The following FAM107B variants were observed in gnomAD, a reference collection of about 807,000 sequenced individuals.
FAM107B encodes protein FAM107B.
In FAM107B, 21 loss-of-function variants were observed where a neutral mutation model predicts 31.5. That is an observed-to-expected ratio of 0.67 (90% confidence interval 0.47 to 0.96). The LOEUF (loss-of-function observed/expected upper bound fraction) is 0.96. Ranked by LOEUF, FAM107B falls within the 40% of genes least tolerant of loss-of-function variation. The pLI, the probability that FAM107B is intolerant of heterozygous loss-of-function variation, is 0.00. For missense variants in FAM107B, 452 were observed against 377.1 expected, an observed-to-expected ratio of 1.20 and a Z score of -1.64; for synonymous variants, 157 against 141.5, an observed-to-expected ratio of 1.11 and a Z score of -0.78.
chr10:14,566,979 G>A (rs1001055993), intron 2 of FAM107B, among the ~76,000 whole-genome samples: 2 of 152,072 alleles, frequency 1.3e-5, no homozygotes, highest in Non-Finnish European at 2.9e-5. Flanking sequence ...GTAAAACCCC[G>A]TATCCACTAA....
intron 2 of FAM107B, among the ~76,000 whole-genome samples, chr10:14,585,118 G>A (rs1419020311): frequency 6.6e-6 from 1 of 152,194 alleles, no homozygotes; most frequent in Admixed American, 6.5e-5. Context: ...AGAAAATTCT[G>A]TAACCGGGCT....
intron 2 of FAM107B, among the ~76,000 whole-genome samples, chr10:14,598,687 T>G (rs948617021): frequency 2.0e-5 from 3 of 152,194 alleles, no homozygotes; most frequent in Non-Finnish European, 4.4e-5. Context: ...GTTAAGAAGG[T>G]AGATCTCATG....
intron 1 of FAM107B, among the ~76,000 whole-genome samples, chr10:14,713,262 C>G (rs1204798854): frequency 1.3e-5 from 2 of 152,166 alleles, no homozygotes; most frequent in African/African-American, 4.8e-5. Flanking sequence ...GCCAGTAAAG[C>G]TTTATCGAGA....
At chr10:14,629,371 TTAATATATA>T (rs375573386) in intron 2 of FAM107B, among the ~76,000 whole-genome samples, 40,207 of 69,236 alleles carry the variant, frequency 0.58, 12,676 homozygotes, top group Non-Finnish European at 0.64. Context: ...TATTATATAT[TTAATATATA>T]TAATATATAT....
At chr10:14,769,960 G>A (rs116723601) in intron 1 of FAM107B, among the ~76,000 whole-genome samples, 4 of 152,138 alleles carry the variant, frequency 2.6e-5, no homozygotes, top group Non-Finnish European at 5.9e-5. Context: ...AGTTGGATTC[G>A]CAATTAGAAC....
chr10:14,676,634 T>A (rs193028487), intron 1 of FAM107B, among the ~76,000 whole-genome samples: 4 of 152,148 alleles, frequency 2.6e-5, no homozygotes, highest in African/African-American at 9.7e-5. Flanking sequence ...CCCACCTCCG[T>A]CTGAAGCTCT....
At chr10:14,757,067 C>G (rs1588759064) in intron 1 of FAM107B, among the ~76,000 whole-genome samples, 1 of 152,066 alleles carries the variant, frequency 6.6e-6, no homozygotes, top group Non-Finnish European at 1.5e-5. Flanking sequence ...GGCTTAATAC[C>G]TGGATGATAA....
chr10:14,748,483 G>T (rs1222854031), intron 1 of FAM107B, among the ~76,000 whole-genome samples: 2 of 152,336 alleles, frequency 1.3e-5, no homozygotes, highest in East Asian at 3.9e-4. Flanking sequence ...TGTATCTGTG[G>T]CATTAGCTCT....
intron 2 of FAM107B, among the ~76,000 whole-genome samples, chr10:14,551,296 C>CA (rs1471871532): frequency 6.6e-6 from 1 of 152,078 alleles, no homozygotes; most frequent in Non-Finnish European, 1.5e-5. Flanking sequence ...TACAGGCGCC[C>CA]ACCATGCCCG....
intron 1 of FAM107B, among the ~76,000 whole-genome samples, chr10:14,729,851 C>T (rs966323354): frequency 1.2e-4 from 19 of 152,112 alleles, no homozygotes; most frequent in Middle Eastern, 3.2e-3. Context: ...TGAAATACTA[C>T]GCAGCCATAA....
chr10:14,548,076 G>T (rs1848875637), intron 2 of FAM107B, among the ~76,000 whole-genome samples: 1 of 152,202 alleles, frequency 6.6e-6, no homozygotes, highest in Non-Finnish European at 1.5e-5. Flanking sequence ...CCAAAAACAA[G>T]AAAGGAGTAA....
rs572872305 is a variant in FAM107B, at chr10:14,743,537, T to C, written c.411+30716A>G. 5.3e-5 allele frequency among the ~76,000 whole-genome samples: 8 copies of C among 152,338 alleles called. No individual in the cohort carries two copies. The East Asian group carries it at 1.5e-3, about 29-fold the overall frequency. ...CTTGAGTTAATGTTTGTATAAGATA[T>C]AAGGAAGGGGATCCAGTTTCAATTT... On this transcript the variant is annotated intron_variant, in intron 1 of 4. Transcript: ENST00000181796.
At position 14,557,853 on chromosome 10, in the gene FAM107B, G is replaced by A. The variant is rs188919370; in HGVS notation, c.470-27338C>T. On this transcript the variant is annotated intron_variant, in intron 2 of 4. Coordinates refer to ENST00000181796, the MANE Select transcript of FAM107B (RefSeq NM_031453.4). ...CTAGCCAGGACCCAGCCAGGTCCCA[G>A]CCAGGTCTACCTGATGCCAGAGTGC... 9.2e-5 allele frequency among the ~76,000 whole-genome samples: 14 copies of A among 152,348 alleles called. No homozygotes were observed. The East Asian group carries it at 2.3e-3, about 25-fold the overall frequency.
intron 1 of FAM107B, among the ~76,000 whole-genome samples, chr10:14,699,100 G>C (rs1252082762): frequency 6.6e-6 from 1 of 152,120 alleles, no homozygotes; most frequent in Non-Finnish European, 1.5e-5. Flanking sequence ...AGGGAACAAA[G>C]GCAAGGAAAG....
At chr10:14,715,177 G>T (rs1347397234) in intron 1 of FAM107B, among the ~76,000 whole-genome samples, 1 of 152,138 alleles carries the variant, frequency 6.6e-6, no homozygotes, top group African/African-American at 2.4e-5. Context: ...AATACAAAGA[G>T]TGGGGGAAAT....
intron 2 of FAM107B, chr10:14,542,764 C>T (rs1848339099): frequency 6.6e-6 from 1 of 152,212 alleles, no homozygotes; most frequent in Non-Finnish European, 1.5e-5. Context: ...AACCAACAGA[C>T]GTGCTTTTAA....
At chr10:14,538,270 AAT>A (rs1847843924) in intron 2 of FAM107B, among the ~76,000 whole-genome samples, 1 of 152,202 alleles carries the variant, frequency 6.6e-6, no homozygotes, top group Non-Finnish European at 1.5e-5. Context: ...TAAGAATGTT[AAT>A]GGCAGGCCAT....
At chr10:14,531,559 A>G (rs1481181329) in intron 2 of FAM107B, among the ~76,000 whole-genome samples, 2 of 142,844 alleles carry the variant, frequency 1.4e-5, no homozygotes, top group Non-Finnish European at 1.5e-5. Flanking sequence ...AAAAAAAAAG[A>G]GGCTGGGCAC....
chr10:14,692,015 C>G (rs565948916), intron 1 of FAM107B, among the ~76,000 whole-genome samples: 1 of 152,176 alleles, frequency 6.6e-6, no homozygotes, highest in South Asian at 2.1e-4. Flanking sequence ...AATAGACAAT[C>G]CTTGACCATG....
Sources: allele counts gnomAD v4.1 joint callset (sites outside exome capture counted in the v4.1 genomes callset), GRCh38; gene constraint gnomAD v4.1.1; transcripts MANE v1.5; gene names NCBI Gene and HGNC (gene_info 2026-07-23, HGNC 2026-07-21).